Variants in LRRIQ1 observed in about 807,000 individuals in gnomAD.
The protein encoded by LRRIQ1 is leucine-rich repeat- and IQ domain-containing protein 1.
LRRIQ1 carries 210 observed loss-of-function variants against 211.9 expected under a neutral mutation model. That is an observed-to-expected ratio of 0.99 (90% confidence interval 0.89 to 1.11). The LOEUF is 1.11. LRRIQ1 is among the 50% of genes most tolerant of loss of function. The pLI is 0.00. For synonymous variants in LRRIQ1, 699 were observed against 650.1 expected (o/e 1.08, Z -1.14); for missense variants, 2,136 against 1,939.5 (o/e 1.10, Z -1.90).
At chr12:85,173,557 G>A (rs537572029) in intron 24 of LRRIQ1, among the ~76,000 whole-genome samples, 2 of 152,052 alleles carry the variant, frequency 1.3e-5, no homozygotes, top group East Asian at 3.9e-4. Flanking sequence ...CCTTACATGT[G>A]CAAATACACT....
At position 85,047,255 on chromosome 12, in the gene LRRIQ1, G is replaced by A. The variant is rs763998246; in HGVS notation, c.463G>A (p.Asp155Asn). The stretch of plus-strand genomic sequence containing the variant: ...TTTCTTCATGAGTGCAGATGATGCT[G>A]ATATAAATTTTGGATACTGTGAAGT... The part of the protein sequence containing the change: ...MDEHVLPDDA[D>N]INFGYCEVEE... The change falls in exon 6 of 27, where the codon GAT becomes AAT. Residue 155 changes from aspartate to asparagine, a missense_variant. Transcript: ENST00000393217. 2 of 1,589,612 alleles carry A rather than the reference G, an allele frequency of 1.3e-6. No homozygotes were observed. The highest frequency in any genetic ancestry group is 2.3e-5 in the South Asian group (2 of 85,290).
rs142043932 is a variant in LRRIQ1, at chr12:85,066,819, A to G, written c.2616A>G (p.Gln872=). Residue 872 remains glutamine (Q), a synonymous_variant, in exon 10 of 27, where the codon CAA becomes CAG. Coordinates refer to ENST00000393217, the MANE Select transcript of LRRIQ1 (RefSeq NM_001079910.2). Reference sequence around the variant, plus strand: ...GTGTTGTTCTTCTTAATAAAAATCAACTGACTTCTCTTCATGGTTTGGATG... The same window carrying G: ...GTGTTGTTCTTCTTAATAAAAATCAGCTGACTTCTCTTCATGGTTTGGATG... The part of the protein sequence containing the change: ...NLCVVLLNKN[Q]LTSLHGLDGC... 9.2e-4 allele frequency: 1,472 copies of G among 1,597,546 alleles called. 1 individual carries two copies. Among genetic ancestry groups the G allele is most frequent in the Non-Finnish European group, 1.2e-3 (1,374 of 1,169,824 alleles).
chr12:85,096,661 C>T (rs538395031), intron 11 of LRRIQ1, among the ~76,000 whole-genome samples: 7 of 152,228 alleles, frequency 4.6e-5, no homozygotes, highest in South Asian at 2.1e-4. Context: ...ATTCTGTAGA[C>T]ACCTATTAGT....
chr12:85,198,868 G>A (rs1217144148), intron 24 of LRRIQ1, among the ~76,000 whole-genome samples: 1 of 152,016 alleles, frequency 6.6e-6, no homozygotes, highest in East Asian at 1.9e-4. Context: ...GCACCCGGCC[G>A]ATGTTAAGCA....
intron 24 of LRRIQ1, among the ~76,000 whole-genome samples, chr12:85,217,840 G>T (rs939056541): frequency 6.6e-6 from 1 of 150,802 alleles, no homozygotes; most frequent in African/African-American, 2.4e-5. Context: ...TAATATTTAT[G>T]TGGCCACTAT....
intron 18 of LRRIQ1, among the ~76,000 whole-genome samples, chr12:85,132,585 T>C (rs905516843): frequency 1.3e-5 from 2 of 151,956 alleles, no homozygotes; most frequent in Non-Finnish European, 2.9e-5. Context: ...CTGGGCAACA[T>C]GGCAAAACCC....
At chr12:85,268,365 T>C (rs145792891), downstream of LRRIQ1, among the ~76,000 whole-genome samples, 144 of 151,962 alleles carry the variant, frequency 9.5e-4, 1 homozygote, top group Non-Finnish European at 1.7e-3. Context: ...TTCTAGAAAA[T>C]AGGTGGGAAT....
At chr12:85,172,794 A>C (rs1229305136) in intron 24 of LRRIQ1, among the ~76,000 whole-genome samples, 1 of 152,100 alleles carries the variant, frequency 6.6e-6, no homozygotes, top group Non-Finnish European at 1.5e-5. Context: ...CCCTCTTGAT[A>C]TGAGATGAAG....
chr12:85,187,795 G>A (rs574738687), intron 24 of LRRIQ1, among the ~76,000 whole-genome samples: 11 of 142,568 alleles, frequency 7.7e-5, no homozygotes, highest in African/African-American at 2.6e-4. Context: ...GGCAACAAGA[G>A]CAAAACTTCA....
intron 24 of LRRIQ1, among the ~76,000 whole-genome samples, chr12:85,195,344 A>G (rs1470260233): frequency 4.6e-5 from 7 of 151,618 alleles, no homozygotes; most frequent in African/African-American, 1.5e-4. Context: ...TCATTCTGAT[A>G]CCAAAGCCAG....
Position 85,121,773 on chromosome 12 carries a change from A to G in LRRIQ1, c.3454A>G (p.Thr1152Ala), listed in dbSNP as rs748537162. Residue 1152 changes from threonine (T) to alanine (A), a missense_variant, in exon 16 of 27, where the codon ACT (threonine) becomes GCT (alanine). Transcript: ENST00000393217. Reference protein sequence around the residue: ...NILNSNSESRTEEHNQLGSAG... With the variant: ...NILNSNSESRAEEHNQLGSAG... ...ACTAAACTCTAATTCAGAAAGCCGC[A>G]CTGAAGAACACAATCAACTGGGATC... 4.3e-6 allele frequency: 7 copies of G among 1,610,338 alleles called. No individual in the cohort carries two copies. The highest frequency in any genetic ancestry group is 1.7e-5 in the Admixed American group (1 of 59,380).
At chr12:85,076,656 G>A (rs1370663388) in intron 11 of LRRIQ1, 1 of 382,360 alleles carries the variant, frequency 2.6e-6, no homozygotes, top group African/African-American at 2.2e-5. Flanking sequence ...CTGTGTCGTG[G>A]CTCATAGTGC....
chr12:85,171,505 G>A (rs1891416038), intron 24 of LRRIQ1, among the ~76,000 whole-genome samples: 1 of 152,112 alleles, frequency 6.6e-6, no homozygotes, highest in East Asian at 1.9e-4. Context: ...ATTTTAATAA[G>A]AGCCACAGAA....
At chr12:85,166,487 C>T (rs950259008) in intron 24 of LRRIQ1, among the ~76,000 whole-genome samples, 1 of 152,128 alleles carries the variant, frequency 6.6e-6, no homozygotes, top group Non-Finnish European at 1.5e-5. Context: ...AAACCTATAA[C>T]TTCTATAATT....
At chr12:85,224,153 C>CTCA (rs35913486) in intron 24 of LRRIQ1, among the ~76,000 whole-genome samples, 43,024 of 151,580 alleles carry the variant, frequency 0.28, 6,211 homozygotes, top group East Asian at 0.38. Context: ...TGAAAAAAAG[C>CTCA]TCATCACTGG....
At chr12:85,209,834 T>A (rs1173456180) in intron 24 of LRRIQ1, among the ~76,000 whole-genome samples, 1 of 152,158 alleles carries the variant, frequency 6.6e-6, no homozygotes, top group East Asian at 1.9e-4. Context: ...CCCTCATTTT[T>A]TTGGAGACTG....
At chr12:85,243,848 C>T (rs965296264) in intron 26 of LRRIQ1, among the ~76,000 whole-genome samples, 9 of 151,406 alleles carry the variant, frequency 5.9e-5, no homozygotes, top group Non-Finnish European at 1.2e-4. Flanking sequence ...ATACTAGCTC[C>T]TTGAGTCTTT....
At position 85,049,227 on chromosome 12, in the gene LRRIQ1, A is replaced by G. The variant is rs113641808; in HGVS notation, c.678+1757A>G. On this transcript the variant is annotated intron_variant, in intron 6 of 26. Coordinates refer to ENST00000393217, the MANE Select transcript of LRRIQ1 (RefSeq NM_001079910.2). ...TGGGTTGTTTGTTAGCTGCCTCTCCATTCCCCAAAATAGCAATCATAAATC... is the reference window on the plus strand; with the variant it reads ...TGGGTTGTTTGTTAGCTGCCTCTCCGTTCCCCAAAATAGCAATCATAAATC... Among the ~76,000 whole-genome samples the G allele has an allele frequency of 4.2e-3, 645 of 152,156 alleles. 5 individuals carry two copies. Among genetic ancestry groups the G allele is most frequent in the African/African-American group, 0.014 (598 of 41,500 alleles).
rs372230744 is a variant in LRRIQ1 at position 85,046,125 on chromosome 12, C to T, written c.442C>T (p.His148Tyr). The T allele has an allele frequency of 2.5e-6, 4 of 1,586,908 alleles. No homozygotes were observed. The African/African-American group carries it at 4.0e-5, about 16-fold the overall frequency. Reference protein sequence around the residue: ...PSPHDLPMDEHVLPDDADINF... With the variant: ...PSPHDLPMDEYVLPDDADINF... ...TCCTCATGACTTGCCTATGGATGAACATGTTTTACCAGGTGGACTAAATTG... is the reference window on the plus strand; with the variant it reads ...TCCTCATGACTTGCCTATGGATGAATATGTTTTACCAGGTGGACTAAATTG... Residue 148 changes from histidine (H) to tyrosine (Y), a missense_variant, in exon 5 of 27, where the codon CAT (histidine) becomes TAT (tyrosine). By Grantham distance (83) the His-to-Tyr change is moderately conservative. Transcript: ENST00000393217.
Sources: gnomAD v4.1 joint callset for allele counts (sites outside exome capture counted in the v4.1 genomes callset) on GRCh38, gnomAD v4.1.1 for gene constraint, MANE v1.5 for transcripts, NCBI Gene and HGNC (gene_info 2026-07-23, HGNC 2026-07-21) for gene names.